The following ADAMTSL1 variants were observed in gnomAD, a reference collection of about 807,000 sequenced individuals.
ADAMTSL1 encodes the protein ADAMTS like 1, also known as ADAMTS-like protein 1.
A neutral mutation model predicts 201.8 loss-of-function variants in ADAMTSL1; 126 were observed. The ratio of observed to expected loss-of-function variants is 0.62; its 90% CI spans 0.54 to 0.72. The LOEUF (loss-of-function observed/expected upper bound fraction) is 0.72. ADAMTSL1 is among the 30% of genes least tolerant of loss of function. The pLI, the probability that ADAMTSL1 is intolerant of heterozygous loss-of-function variation, is 0.00. For missense variants in ADAMTSL1, 2,679 were observed against 2,277.8 expected (o/e 1.18, Z -3.59); for synonymous variants, 1,121 against 903.4 (o/e 1.24, Z -4.32).
chr9:18,118,886 A>G (rs1483525285), intron 1 of ADAMTSL1, among the ~76,000 whole-genome samples: 4 of 152,144 alleles, frequency 2.6e-5, no homozygotes, highest in Non-Finnish European at 5.9e-5. Flanking sequence ...AAATACCGCA[A>G]AGCATGTGAT....
At chr9:18,135,986 T>C (rs1026535463) in intron 1 of ADAMTSL1, among the ~76,000 whole-genome samples, 1 of 152,146 alleles carries the variant, frequency 6.6e-6, no homozygotes, top group African/African-American at 2.4e-5. Flanking sequence ...AGGCACAGAT[T>C]AGTTCATTTA....
At chr9:18,404,963 A>C (rs978450493) in intron 2 of ADAMTSL1, among the ~76,000 whole-genome samples, 2 of 151,980 alleles carry the variant, frequency 1.3e-5, no homozygotes, top group Non-Finnish European at 2.9e-5. Flanking sequence ...CCCTGGATTT[A>C]GTCTGCCATT....
At chr9:18,282,893 G>A (rs547046945) in intron 2 of ADAMTSL1, among the ~76,000 whole-genome samples, 46 of 152,202 alleles carry the variant, frequency 3.0e-4, no homozygotes, top group African/African-American at 7.7e-4. Context: ...GTGAAACTCC[G>A]TCTCAAAAAA....
At chr9:17,912,678 C>T (rs12378414) in intron 1 of ADAMTSL1, among the ~76,000 whole-genome samples, 14,278 of 59,854 alleles carry the variant, frequency 0.24, 5,414 homozygotes, top group Non-Finnish European at 0.56. Context: ...TGTGCAGAAG[C>T]TCTTTAGTTT....
intron 22 of ADAMTSL1, among the ~76,000 whole-genome samples, chr9:18,827,913 T>C (rs182148292): frequency 2.6e-5 from 4 of 152,336 alleles, no homozygotes; most frequent in Admixed American, 1.3e-4. Flanking sequence ...TTAAGGAAAG[T>C]TTGTTAGCTT....
intron 1 of ADAMTSL1, among the ~76,000 whole-genome samples, chr9:17,980,587 A>G (rs1472386561): frequency 6.6e-6 from 1 of 151,954 alleles, no homozygotes; most frequent in Non-Finnish European, 1.5e-5. Flanking sequence ...TAACCCCAGC[A>G]TGATGGTGTG....
chr9:18,542,781 C>G (rs1820229462), intron 3 of ADAMTSL1, among the ~76,000 whole-genome samples: 2 of 152,230 alleles, frequency 1.3e-5, no homozygotes, highest in Non-Finnish European at 1.5e-5. Flanking sequence ...ACTTCCTCCT[C>G]TCTTCTGACA....
At chr9:18,521,858 G>C (rs1395638000) in intron 2 of ADAMTSL1, among the ~76,000 whole-genome samples, 1 of 152,128 alleles carries the variant, frequency 6.6e-6, no homozygotes, top group Non-Finnish European at 1.5e-5. Context: ...TTAGAATATG[G>C]GACTTGTGAA....
intron 2 of ADAMTSL1, among the ~76,000 whole-genome samples, chr9:18,525,350 T>G (rs1198290984): frequency 1.3e-5 from 2 of 152,202 alleles, no homozygotes; most frequent in Non-Finnish European, 2.9e-5. Context: ...TTATTACTCT[T>G]GCTAGTGGTC....
At chr9:18,171,009 T>C (rs964859181) in intron 2 of ADAMTSL1, among the ~76,000 whole-genome samples, 7 of 152,256 alleles carry the variant, frequency 4.6e-5, no homozygotes, top group Middle Eastern at 3.4e-3. Context: ...TGTTCATGAA[T>C]GGGAAGTCTT....
intron 2 of ADAMTSL1, among the ~76,000 whole-genome samples, chr9:18,187,523 G>C (rs573839634): frequency 6.6e-6 from 1 of 151,678 alleles, no homozygotes; most frequent in Admixed American, 6.6e-5. Flanking sequence ...CCCTGTTTTG[G>C]AATAAAAAGA....
intron 1 of ADAMTSL1, among the ~76,000 whole-genome samples, chr9:18,119,572 G>A (rs1825410567): frequency 6.6e-6 from 1 of 152,070 alleles, no homozygotes; most frequent in Non-Finnish European, 1.5e-5. Flanking sequence ...CAAAGTGCTG[G>A]GATTACAGGC....
chr9:17,938,626 C>A (rs1190104017), intron 1 of ADAMTSL1, among the ~76,000 whole-genome samples: 1 of 152,144 alleles, frequency 6.6e-6, no homozygotes, highest in East Asian at 1.9e-4. Flanking sequence ...AGAAAGTTGT[C>A]AGCTGGATAT....
At chr9:18,806,901 G>T (rs6475247) in intron 20 of ADAMTSL1, among the ~76,000 whole-genome samples, 2 of 151,980 alleles carry the variant, frequency 1.3e-5, no homozygotes, top group Admixed American at 6.5e-5. Flanking sequence ...GCTGACGTAC[G>T]AGTTTTAGCC....
At chr9:18,890,470 G>A (rs77410355) in intron 25 of ADAMTSL1, 17,828 of 455,716 alleles carry the variant, frequency 0.039, 495 homozygotes, top group East Asian at 0.081. Flanking sequence ...CTGGGGGGAT[G>A]TGGCTCAGCT....
chr9:18,158,953 T>A (rs1385022993), intron 1 of ADAMTSL1, among the ~76,000 whole-genome samples: 1 of 152,054 alleles, frequency 6.6e-6, no homozygotes, highest in Non-Finnish European at 1.5e-5. Context: ...TCCTCAAAAC[T>A]GGAGCTAGAT....
intron 3 of ADAMTSL1, among the ~76,000 whole-genome samples, chr9:18,569,109 G>A (rs1822128722): frequency 6.6e-6 from 1 of 152,046 alleles, no homozygotes; most frequent in African/African-American, 2.4e-5. Flanking sequence ...GAGTAAACTG[G>A]GAACCCTGAC....
At chr9:18,838,399 AC>A (rs781016912) in intron 23 of ADAMTSL1, among the ~76,000 whole-genome samples, 10,008 of 144,894 alleles carry the variant, frequency 0.069, 750 homozygotes, top group African/African-American at 0.18. Context: ...ACACACACAC[AC>A]ACGCAAAAAC....
At chr9:18,039,306 T>G (rs1167136797) in intron 1 of ADAMTSL1, among the ~76,000 whole-genome samples, 1 of 152,200 alleles carries the variant, frequency 6.6e-6, no homozygotes, top group African/African-American at 2.4e-5. Flanking sequence ...AATGTCATCT[T>G]TTGGAATATC....
Sources: gnomAD v4.1 joint callset for allele counts (sites outside exome capture counted in the v4.1 genomes callset) on GRCh38, gnomAD v4.1.1 for gene constraint, MANE v1.5 for transcripts, NCBI Gene and HGNC (gene_info 2026-07-23, HGNC 2026-07-21) for gene names.